Variants in CAB39L observed in about 807,000 individuals in gnomAD.
The protein encoded by CAB39L is calcium-binding protein 39-like.
CAB39L carries 23 observed loss-of-function variants against 39.1 expected under a neutral mutation model. The observed-to-expected ratio is 0.59, with a 90% CI of 0.42 to 0.83. The LOEUF (loss-of-function observed/expected upper bound fraction) is 0.83. Ranked by LOEUF, CAB39L falls within the 40% of genes least tolerant of loss-of-function variation. The pLI is 0.00. For synonymous variants in CAB39L, 126 were observed against 137.2 expected, an observed-to-expected ratio of 0.92 and a Z score of 0.57; for missense variants, 366 against 391.9, an observed-to-expected ratio of 0.93 and a Z score of 0.56.
At position 49,379,069 on chromosome 13, in the gene CAB39L, T is replaced by TG. The variant is rs1178504841; in HGVS notation, c.112-1939dup. On this transcript the variant is annotated intron_variant, in intron 4 of 10. Transcript: ENST00000409308. ...CCAGCTGCCCCGTCCGAGAGGGAGG[T>TG]GGGGGGGGTCAGCCCCCCCGCCCGG... Among the ~76,000 whole-genome samples, 93 of 45,980 alleles carry TG rather than the reference T, an allele frequency of 2.0e-3. 4 individuals carry two copies. In the East Asian group the frequency reaches 0.026, roughly 13 times the overall value. 30.2% of individuals were successfully genotyped at this position (45,980 alleles called of 152,430 possible).
intron 9 of CAB39L, among the ~76,000 whole-genome samples, chr13:49,333,527 C>T (rs1954765384): frequency 6.6e-6 from 1 of 151,414 alleles, no homozygotes; most frequent in Non-Finnish European, 1.5e-5. Flanking sequence ...CTAGTCTCCG[C>T]TTCTTTCCTA....
chr13:49,351,456 G>A (rs900219098), intron 6 of CAB39L, among the ~76,000 whole-genome samples: 15 of 152,276 alleles, frequency 9.9e-5, no homozygotes, highest in Admixed American at 3.9e-4. Flanking sequence ...AGGAAGAACC[G>A]TGAGTGGTGT....
intron 3 of CAB39L, among the ~76,000 whole-genome samples, chr13:49,396,715 C>CA (rs1224709614): frequency 2.0e-4 from 29 of 147,960 alleles, no homozygotes; most frequent in African/African-American, 3.2e-4. Flanking sequence ...CTCAAAAAAA[C>CA]AAAAAAAAAA....
At chr13:49,346,120 T>TATATATATATATATATATATATATC (rs10663110) in intron 7 of CAB39L, among the ~76,000 whole-genome samples, 1,518 of 88,312 alleles carry the variant, frequency 0.017, 153 homozygotes, top group Non-Finnish European at 0.022. Flanking sequence ...TATATATATA[T>TATATATATATATATATATATATATC]ATATCATGGA....
intron 3 of CAB39L, chr13:49,412,835 CTA>C (rs1252640329): frequency 1.3e-5 from 2 of 152,196 alleles, no homozygotes; most frequent in Non-Finnish European, 2.9e-5. Context: ...TTTGTGCTGT[CTA>C]TGAGACTCTA....
At chr13:49,421,275 C>T (rs1957167720) in intron 3 of CAB39L, among the ~76,000 whole-genome samples, 1 of 152,086 alleles carries the variant, frequency 6.6e-6, no homozygotes, top group South Asian at 2.1e-4. Context: ...AACTTAAAGG[C>T]AATAAATAAC....
At chr13:49,369,549 C>T (rs558697723) in intron 5 of CAB39L, among the ~76,000 whole-genome samples, 2 of 151,454 alleles carry the variant, frequency 1.3e-5, no homozygotes, top group Non-Finnish European at 2.9e-5. Flanking sequence ...TGCCAGAGGC[C>T]GAGGACAGGA....
intron 9 of CAB39L, among the ~76,000 whole-genome samples, chr13:49,334,137 T>C (rs996789434): frequency 6.6e-6 from 1 of 152,170 alleles, no homozygotes; most frequent in Non-Finnish European, 1.5e-5. Context: ...CAGCCAGTAA[T>C]CTCATTCAAA....
In CAB39L at chr13:49,344,248, G is replaced by GA. The variant is rs767467591; in HGVS notation, c.565-11dup. ...GTCTGGTTAGTAAATCCTAGAAAAAGAAAAACCAAGTGAAACAAAACTGTT... is the reference window on the plus strand; with the variant it reads ...GTCTGGTTAGTAAATCCTAGAAAAAGAAAAAACCAAGTGAAACAAAACTGTT... On this transcript the variant is annotated splice_polypyrimidine_tract_variant and intron_variant, in intron 7 of 10. Transcript: ENST00000409308. 1 of 1,554,604 alleles carries GA rather than the reference G, an allele frequency of 6.4e-7. No homozygotes were observed. The highest frequency in any genetic ancestry group is 8.9e-7 in the Non-Finnish European group (1 of 1,128,152).
intron 3 of CAB39L, among the ~76,000 whole-genome samples, chr13:49,387,257 T>C (rs530673761): frequency 2.0e-4 from 30 of 152,266 alleles, no homozygotes; most frequent in Admixed American, 1.2e-3. Context: ...AAAAATAAAG[T>C]GCTTAAGCTG....
chr13:49,439,071 T>C (rs1451121184), intron 1 of CAB39L, among the ~76,000 whole-genome samples: 1 of 152,222 alleles, frequency 6.6e-6, no homozygotes, highest in Non-Finnish European at 1.5e-5. Flanking sequence ...TGACTCCTTT[T>C]TAAAAATCTT....
intron 1 of CAB39L, among the ~76,000 whole-genome samples, chr13:49,439,433 AAC>A (rs928473891): frequency 2.6e-5 from 4 of 152,184 alleles, no homozygotes; most frequent in African/African-American, 9.7e-5. Context: ...TTAGTTTTTC[AAC>A]ACTTATTGCA....
At chr13:49,350,717 C>A in intron 7 of CAB39L, 27 bp downstream of exon 7, 1 of 1,494,330 alleles carries the variant, frequency 6.7e-7, no homozygotes, top group South Asian at 1.4e-5. Context: ...ATAAATTGAC[C>A]TAGCTGAGTT....
rs143881317 is a variant in CAB39L at position 49,354,416 on chromosome 13, T to C, written c.396-3504A>G. Among the ~76,000 whole-genome samples the C allele has an allele frequency of 1.4e-3, 216 of 152,350 alleles. 1 individual carries two copies. The highest frequency in any genetic ancestry group is 4.9e-3 in the African/African-American group (204 of 41,574). ...TAGTATATTGACTTTTGATAGGTTA[T>C]TGCTTACTATTTAAAGAAGTGCTCC... On this transcript the variant is annotated intron_variant, in intron 6 of 10. Coordinates refer to ENST00000409308, the MANE Select transcript of CAB39L (RefSeq NM_001079670.3).
At chr13:49,351,100 G>A (rs1955335869) in intron 6 of CAB39L, 188 bp from the exon 7 acceptor site, 1 of 366,596 alleles carries the variant, frequency 2.7e-6, no homozygotes, top group Admixed American at 4.7e-5. Flanking sequence ...TGGAATTTGA[G>A]TGTATTCTGA....
At chr13:49,359,690 C>T in intron 6 of CAB39L, 24 bp downstream of exon 6, 3 of 1,307,310 alleles carry the variant, frequency 2.3e-6, no homozygotes, top group Non-Finnish European at 2.2e-6. Context: ...CTTAGCCCTA[C>T]TTGAAAGGAA....
chr13:49,377,252 G>A, intron 4 of CAB39L, 121 bp from the exon 5 acceptor site: 1 of 702,850 alleles, frequency 1.4e-6, no homozygotes, highest in South Asian at 2.4e-5. Flanking sequence ...ATAATGAATG[G>A]CACAGTTACA....
intron 3 of CAB39L, among the ~76,000 whole-genome samples, chr13:49,427,417 G>T (rs1398087659): frequency 6.6e-6 from 1 of 152,074 alleles, no homozygotes; most frequent in East Asian, 1.9e-4. Context: ...TGGCTCATAT[G>T]GGATTGTTCC....
chr13:49,350,621 T>C lies in CAB39L; in HGVS notation c.564+123A>G, dbSNP rs941620813. The C allele has an allele frequency of 4.5e-5, 28 of 622,348 alleles. No homozygotes were observed. The Admixed American group carries it at 7.6e-4, about 17-fold the overall frequency. The allele number at this position is 622,348 out of a possible 1,614,324, so 38.6% of individuals were successfully genotyped here. A position where few individuals can be genotyped will look rare whatever the true frequency, so the allele number is the denominator to read the frequency against. On this transcript the variant is annotated intron_variant, in intron 7 of 10. Transcript: ENST00000409308. Reference sequence around the variant, plus strand: ...TTACAGATTCCTCTTATGATCCACATCATACATGGTTGGCTACACTGAGGC... The same window carrying C: ...TTACAGATTCCTCTTATGATCCACACCATACATGGTTGGCTACACTGAGGC...
Sources: gnomAD v4.1 joint callset for allele counts (sites outside exome capture counted in the v4.1 genomes callset) on GRCh38, gnomAD v4.1.1 for gene constraint, MANE v1.5 for transcripts, NCBI Gene and HGNC (gene_info 2026-07-23, HGNC 2026-07-21) for gene names.